CLVS1: variants seen among roughly 807,000 people sequenced by gnomAD.
CLVS1 encodes the protein clavesin-1.
In CLVS1, 10 loss-of-function variants were observed where a neutral mutation model predicts 33.1. The observed-to-expected ratio is 0.30, with a 90% confidence interval of 0.19 to 0.51. The LOEUF is 0.51. CLVS1 is among the 20% of genes least tolerant of loss of function. The pLI is 0.97. For missense variants in CLVS1, 343 were observed against 433.4 expected, an observed-to-expected ratio of 0.79 and a Z score of 1.85; for synonymous variants, 163 against 166.1, an observed-to-expected ratio of 0.98 and a Z score of 0.14.
At chr8:61,439,121 A>T (rs1013274133) in intron 3 of CLVS1, among the ~76,000 whole-genome samples, 1 of 152,196 alleles carries the variant, frequency 6.6e-6, no homozygotes. Context: ...AAGAGACACC[A>T]TGATCTTATG....
intron 2 of CLVS1, among the ~76,000 whole-genome samples, chr8:61,272,526 T>A (rs1180153568): frequency 1.3e-5 from 2 of 152,148 alleles, no homozygotes; most frequent in Non-Finnish European, 2.9e-5. Flanking sequence ...ATTTCCTGAA[T>A]CTGAACGTTG....
chr8:61,338,500 T>C (rs1811886161), intron 2 of CLVS1, among the ~76,000 whole-genome samples: 1 of 152,180 alleles, frequency 6.6e-6, no homozygotes, highest in Non-Finnish European at 1.5e-5. Context: ...TCCCAGGTGA[T>C]GCTAACGCTG....
At chr8:61,474,441 G>C (rs567225479) in intron 5 of CLVS1, among the ~76,000 whole-genome samples, 1 of 152,174 alleles carries the variant, frequency 6.6e-6, no homozygotes, top group Admixed American at 6.5e-5. Flanking sequence ...ATTTGTATCT[G>C]GAGAGGCATG....
chr8:60,970,210 T>C, the CLVS1 span, among the ~76,000 whole-genome samples: 1 of 152,256 alleles, frequency 6.6e-6, no homozygotes, highest in Non-Finnish European at 1.5e-5. Flanking sequence ...ATTCTATGCC[T>C]GTGATCTGGA....
intron 1 of CLVS1, among the ~76,000 whole-genome samples, chr8:61,086,017 C>A (rs1490299308): frequency 8.8e-6 from 1 of 114,174 alleles, no homozygotes; most frequent in African/African-American, 3.4e-5. Flanking sequence ...GCCTGGGCGA[C>A]AGAGCGAGAC....
chr8:61,254,048 G>GT (rs1479081287), intron 2 of CLVS1, among the ~76,000 whole-genome samples: 4 of 152,158 alleles, frequency 2.6e-5, no homozygotes, highest in Non-Finnish European at 5.9e-5. Context: ...CATCTTTGTG[G>GT]TTTTATCTAC....
At chr8:61,327,277 G>C (rs1811419613) in intron 2 of CLVS1, among the ~76,000 whole-genome samples, 1 of 151,966 alleles carries the variant, frequency 6.6e-6, no homozygotes, top group African/African-American at 2.4e-5. Context: ...AAGTATCTTT[G>C]GTGTTGAGCA....
intron 1 of CLVS1, among the ~76,000 whole-genome samples, chr8:61,086,550 C>T (rs1054623788): frequency 2.0e-5 from 3 of 151,760 alleles, no homozygotes; most frequent in South Asian, 2.1e-4. Flanking sequence ...CTAGACCATA[C>T]GTAGTAGCAA....
At chr8:61,485,590 A>G (rs1586045642) in intron 5 of CLVS1, among the ~76,000 whole-genome samples, 1 of 152,256 alleles carries the variant, frequency 6.6e-6, no homozygotes, top group Non-Finnish European at 1.5e-5. Context: ...CCATCCCATT[A>G]CTGGGAATAT....
At chr8:61,014,269 G>T in the CLVS1 span, among the ~76,000 whole-genome samples, 1 of 151,996 alleles carries the variant, frequency 6.6e-6, no homozygotes, top group African/African-American at 2.4e-5. Context: ...TGATCAACTT[G>T]TTACTCCCAT....
intron 3 of CLVS1, among the ~76,000 whole-genome samples, chr8:61,394,245 C>G (rs929483947): frequency 6.6e-6 from 1 of 152,142 alleles, no homozygotes; most frequent in African/African-American, 2.4e-5. Context: ...CAGGATTGTT[C>G]TGTTATCAGT....
intron 5 of CLVS1, among the ~76,000 whole-genome samples, chr8:61,469,296 T>C (rs981216770): frequency 6.6e-6 from 1 of 152,204 alleles, no homozygotes; most frequent in African/African-American, 2.4e-5. Context: ...TGGCATGACA[T>C]ATGCCATAGA....
At chr8:61,476,833 T>C (rs1432118143) in intron 5 of CLVS1, among the ~76,000 whole-genome samples, 3 of 152,174 alleles carry the variant, frequency 2.0e-5, no homozygotes, top group Non-Finnish European at 4.4e-5. Context: ...TCCAACACTA[T>C]GTTGAATAGG....
intron 2 of CLVS1, among the ~76,000 whole-genome samples, chr8:61,208,388 A>G (rs908554596): frequency 6.6e-5 from 10 of 152,236 alleles, no homozygotes; most frequent in African/African-American, 2.4e-4. Context: ...TCAGAAAAAT[A>G]TTACATTCTT....
chr8:61,113,218 C>T (rs759222594), intron 1 of CLVS1, among the ~76,000 whole-genome samples: 8 of 151,868 alleles, frequency 5.3e-5, no homozygotes, highest in Non-Finnish European at 7.4e-5. Context: ...ATACATGGGG[C>T]GGGGAGTTGT....
chr8:61,037,583 G>T, the CLVS1 span, among the ~76,000 whole-genome samples: 3 of 152,042 alleles, frequency 2.0e-5, no homozygotes, highest in African/African-American at 7.2e-5. Context: ...GAATAGTGCT[G>T]CCATGAATGT....
intron 2 of CLVS1, among the ~76,000 whole-genome samples, chr8:61,184,554 C>T (rs941028957): frequency 1.3e-5 from 2 of 152,186 alleles, no homozygotes; most frequent in African/African-American, 4.8e-5. Context: ...GCAGGAGCCT[C>T]AGCCCTCCCT....
chr8:61,071,493 A>C (rs1405592548), intron 1 of CLVS1, among the ~76,000 whole-genome samples: 1 of 152,128 alleles, frequency 6.6e-6, no homozygotes, highest in Non-Finnish European at 1.5e-5. Flanking sequence ...TCTCTCTTAT[A>C]AGGACATCAT....
In CLVS1 at chr8:61,257,767, T is replaced by C. The variant is rs535953405; in HGVS notation, c.-151-41910T>C. Among the ~76,000 whole-genome samples the C allele has an allele frequency of 3.3e-5, 5 of 152,298 alleles. No individual in the cohort carries two copies. In the East Asian group the frequency reaches 9.6e-4, roughly 29 times the overall value. On this transcript the variant is annotated intron_variant, in intron 2 of 2. Coordinates refer to the CLVS1 transcript ENST00000522621. ...CTTCATTGATATGTTTATAAAGAGA[T>C]ATATTAACTTAAATTTGGAGTTGAG...
Sources: allele counts gnomAD v4.1 joint callset (sites outside exome capture counted in the v4.1 genomes callset), GRCh38; gene constraint gnomAD v4.1.1; transcripts MANE v1.5; gene names NCBI Gene and HGNC (gene_info 2026-07-23, HGNC 2026-07-21).